The following RNF149 variants were observed in gnomAD, a reference collection of about 807,000 sequenced individuals.
RNF149 encodes the protein ring finger protein 149, also known as E3 ubiquitin-protein ligase RNF149.
In RNF149, 21 loss-of-function variants were observed where a neutral mutation model predicts 39.0. That is an observed-to-expected ratio of 0.54 (90% confidence interval 0.38 to 0.77). The LOEUF is 0.77. Among genes scored for constraint, RNF149 ranks in the 30% least tolerant of loss-of-function variants. RNF149 has a pLI of 0.00. For missense variants in RNF149, 493 were observed against 534.9 expected (o/e 0.92, Z 0.77); for synonymous variants, 209 against 213.6 (o/e 0.98, Z 0.19).
At chr2:101,291,853 T>C (rs1683024965) in intron 3 of RNF149, among the ~76,000 whole-genome samples, 1 of 152,198 alleles carries the variant, frequency 6.6e-6, no homozygotes. Flanking sequence ...TTGTACAGTT[T>C]AAAATGTAAA....
chr2:101,288,997 T>A lies in RNF149; in HGVS notation c.839A>T (p.Asp280Val). 1 of 1,575,332 alleles carries A rather than the reference T, an allele frequency of 6.3e-7. No individual in the cohort carries two copies. Among genetic ancestry groups the A allele is most frequent in the Non-Finnish European group, 8.7e-7 (1 of 1,146,538 alleles). ...AVCIENFKVK[D>V]IIRILPCKHI... ...CTTGCATGGCAGAATTCTAATAATA[T>A]CCTTTACTTTGAAATTTTCAATACA... Residue 280 changes from aspartate to valine, a missense_variant, in exon 4 of 7, where the codon GAT (aspartate) becomes GTT (valine). Physicochemically the swap from Asp to Val is radical, Grantham distance 152 (BLOSUM62 -3). Transcript: ENST00000295317.
At chr2:101,280,823 A>T (rs1041343371) in intron 6 of RNF149, among the ~76,000 whole-genome samples, 2 of 152,200 alleles carry the variant, frequency 1.3e-5, no homozygotes, top group African/African-American at 2.4e-5. Flanking sequence ...AATGTAATTT[A>T]AAAAATGCAA....
At chr2:101,307,836 C>A in intron 1 of RNF149, 1 of 985,428 alleles carries the variant, frequency 1.0e-6, no homozygotes, top group African/African-American at 1.7e-5. Context: ...ATGAGATTTC[C>A]TCACCTGTTA....
intron 1 of RNF149, among the ~76,000 whole-genome samples, chr2:101,297,759 T>C (rs2104423823): frequency 6.6e-6 from 1 of 152,356 alleles, no homozygotes; most frequent in East Asian, 1.9e-4. Flanking sequence ...AGTGGATTCA[T>C]AAGGTTGTAT....
intron 6 of RNF149, among the ~76,000 whole-genome samples, chr2:101,278,658 A>C (rs1573218756): frequency 1.3e-5 from 2 of 152,222 alleles, no homozygotes; most frequent in Admixed American, 6.5e-5. Context: ...ATTACCTGAC[A>C]TATTCATTTG....
downstream of RNF149, chr2:101,271,888 T>A (rs1682142670): frequency 6.6e-6 from 1 of 152,234 alleles, no homozygotes; most frequent in African/African-American, 2.4e-5. Flanking sequence ...GTATCGATTT[T>A]TATTCTTATA....
intron 4 of RNF149, chr2:101,286,619 ACT>A (rs1210381552): frequency 6.5e-6 from 1 of 153,246 alleles, no homozygotes; most frequent in African/African-American, 2.4e-5. Flanking sequence ...ACACTTATTT[ACT>A]CTCTTACACA....
In RNF149 at chr2:101,276,673, T is replaced by G; in HGVS notation, c.*565A>C. On this transcript the variant is annotated 3_prime_UTR_variant, in exon 7 of 7. Transcript: ENST00000295317. ...TCATCTAGTGCCTTTCTCATAATTCTAAACAAAGAAAAAGTGCTCTCAGGT... is the reference window on the plus strand; with the variant it reads ...TCATCTAGTGCCTTTCTCATAATTCGAAACAAAGAAAAAGTGCTCTCAGGT... 9 of 985,738 alleles carry G rather than the reference T, an allele frequency of 9.1e-6. No homozygotes were observed. Among genetic ancestry groups the G allele is most frequent in the Non-Finnish European group, 1.1e-5 (9 of 829,982 alleles). The allele number at this position is 985,738 out of a possible 1,614,324, so 61.1% of individuals were successfully genotyped here. A position where few individuals can be genotyped will look rare whatever the true frequency, so the allele number is the denominator to read the frequency against.
downstream of RNF149, chr2:101,273,429 T>A (rs984225784): frequency 2.3e-6 from 1 of 441,452 alleles, no homozygotes; most frequent in Non-Finnish European, 4.6e-6. Context: ...ATTCTCTGCA[T>A]CTTATCAACT....
In RNF149 at chr2:101,308,506, G is replaced by C; in HGVS notation, c.83C>G (p.Pro28Arg). 1 of 1,610,008 alleles carries C rather than the reference G, an allele frequency of 6.2e-7. No homozygotes were observed. The highest frequency in any genetic ancestry group is 8.5e-7 in the Non-Finnish European group (1 of 1,179,002). ...LALLALALCV[P>R]GARGRALEWF... ...CTCGAGAGCCCGGCCCCGGGCCCCG[G>C]GCACGCACAGGGCCAGGGCGAGCAA... Residue 28 changes from proline to arginine, a missense_variant, in exon 1 of 7, where the codon CCC (proline) becomes CGC (arginine). Transcript: ENST00000295317.
chr2:101,276,658 C>T lies in RNF149; in HGVS notation c.*580G>A, dbSNP rs1030594020. ...ATGCAAATCCTAAAGTCATCTAGTGCCTTTCTCATAATTCTAAACAAAGAA... is the reference window on the plus strand; with the variant it reads ...ATGCAAATCCTAAAGTCATCTAGTGTCTTTCTCATAATTCTAAACAAAGAA... On this transcript the variant is annotated 3_prime_UTR_variant, in exon 7 of 7. Transcript: ENST00000295317. 7.1e-6 allele frequency: 7 copies of T among 985,410 alleles called. No individual in the cohort carries two copies. Among genetic ancestry groups the T allele is most frequent in the African/African-American group, 3.5e-5 (2 of 57,148 alleles). 61.0% of individuals were successfully genotyped at this position (985,410 alleles called of 1,614,324 possible).
At chr2:101,275,431 CTTTTTTTTTTTTTTTT>C (rs59154104), downstream of RNF149, among the ~76,000 whole-genome samples, 2 of 26,580 alleles carry the variant, frequency 7.5e-5, no homozygotes, top group Non-Finnish European at 1.3e-4. Flanking sequence ...CCTAGTATTT[CTTTTTTTTTTTTTTTT>C]TTTTTTTTTT....
intron 4 of RNF149, chr2:101,286,634 T>C (rs1386447284): frequency 6.6e-6 from 1 of 152,558 alleles, no homozygotes; most frequent in Non-Finnish European, 1.5e-5. Context: ...CTTACACAGT[T>C]TTGTATACAC....
At chr2:101,280,720 A>C (rs1682551552) in intron 6 of RNF149, among the ~76,000 whole-genome samples, 1 of 152,218 alleles carries the variant, frequency 6.6e-6, no homozygotes, top group Non-Finnish European at 1.5e-5. Context: ...ATCAATATGA[A>C]AAAATTACTA....
chr2:101,292,148 G>A (rs1189044622), intron 3 of RNF149, among the ~76,000 whole-genome samples: 1 of 152,166 alleles, frequency 6.6e-6, no homozygotes, highest in African/African-American at 2.4e-5. Context: ...AACACTTGAA[G>A]TATGGTTTCT....
downstream of RNF149, among the ~76,000 whole-genome samples, chr2:101,273,902 G>A (rs1042220761): frequency 3.9e-5 from 6 of 152,148 alleles, no homozygotes; most frequent in African/African-American, 1.4e-4. Flanking sequence ...TGTTTCTAGA[G>A]ATATGACCGT....
chr2:101,287,559 G>A (rs1461133097), intron 4 of RNF149, among the ~76,000 whole-genome samples: 2 of 152,158 alleles, frequency 1.3e-5, no homozygotes, highest in Non-Finnish European at 2.9e-5. Context: ...GCAGCTTCCT[G>A]GACACTGTTT....
rs759650876 is a variant in RNF149 at position 101,295,102 on chromosome 2, T to C, written c.540A>G (p.Pro180=). The C allele has an allele frequency of 6.2e-7, 1 of 1,614,218 alleles. No homozygotes were observed. The highest frequency in any genetic ancestry group is 8.5e-7 in the Non-Finnish European group (1 of 1,180,024). The change falls in exon 2 of 7, where the codon CCA becomes CCG. Residue 180 remains proline, a synonymous_variant. Transcript: ENST00000295317. ...EILELVQKGI[P]VTMTIGVGTR... is the part of the protein sequence containing the mutation. ...TGCCAACCCCTATGGTCATCGTTAC[T>C]GGAATTCCTTTTTGCACCAGCTCCA...
intron 1 of RNF149, among the ~76,000 whole-genome samples, chr2:101,300,403 G>C (rs1327787259): frequency 6.6e-6 from 1 of 152,144 alleles, no homozygotes; most frequent in Non-Finnish European, 1.5e-5. Context: ...TGATACTGCC[G>C]CAACAAGTAT....
Sources: gnomAD v4.1 joint callset for allele counts (sites outside exome capture counted in the v4.1 genomes callset) on GRCh38, gnomAD v4.1.1 for gene constraint, MANE v1.5 for transcripts, NCBI Gene and HGNC (gene_info 2026-07-23, HGNC 2026-07-21) for gene names.